PHF14: variants seen among roughly 807,000 people sequenced by gnomAD.
PHF14 encodes PHD finger protein 14.
Under a neutral mutation model 117.9 loss-of-function variants are expected in PHF14, and 55 were observed. The ratio of observed to expected loss-of-function variants is 0.47; its 90% CI spans 0.38 to 0.58. The LOEUF is 0.58. Among genes scored for constraint, PHF14 ranks in the 20% least tolerant of loss-of-function variants. PHF14 has a pLI of 0.00. For synonymous variants in PHF14, 409 were observed against 368.6 expected, an observed-to-expected ratio of 1.11 and a Z score of -1.26; for missense variants, 978 against 1,122.2, an observed-to-expected ratio of 0.87 and a Z score of 1.84.
intron 3 of PHF14, among the ~76,000 whole-genome samples, chr7:10,984,659 C>T (rs963831066): frequency 3.3e-5 from 5 of 152,044 alleles, no homozygotes; most frequent in East Asian, 1.9e-4. Flanking sequence ...GAGGCAGTGT[C>T]GATTAGATTT....
chr7:11,025,037 A>G (rs951530970), intron 6 of PHF14, among the ~76,000 whole-genome samples: 1 of 152,214 alleles, frequency 6.6e-6, no homozygotes, highest in African/African-American at 2.4e-5. Context: ...GGAGGTCAAA[A>G]TATCCATATT....
At chr7:11,012,940 A>G (rs1783402929) in intron 4 of PHF14, among the ~76,000 whole-genome samples, 1 of 152,192 alleles carries the variant, frequency 6.6e-6, no homozygotes, top group African/African-American at 2.4e-5. Flanking sequence ...CTATAGCTTT[A>G]GGTGCATAAC....
At chr7:11,105,301 G>A in intron 16 of PHF14, 1 of 944,808 alleles carries the variant, frequency 1.1e-6, no homozygotes, top group Non-Finnish European at 1.3e-6. Context: ...GTTAAAAATA[G>A]ACTGCTGACC....
chr7:11,073,255 C>A (rs1432093581), intron 16 of PHF14, among the ~76,000 whole-genome samples: 1 of 152,098 alleles, frequency 6.6e-6, no homozygotes, highest in Non-Finnish European at 1.5e-5. Flanking sequence ...CCTGTAAAAT[C>A]AAAAACAAGT....
chr7:10,991,626 TA>T (rs888673368), intron 4 of PHF14, among the ~76,000 whole-genome samples: 20 of 150,550 alleles, frequency 1.3e-4, no homozygotes, highest in African/African-American at 4.4e-4. Context: ...TCATCTTAAT[TA>T]AAAAAAAAAT....
intron 5 of PHF14, among the ~76,000 whole-genome samples, chr7:11,021,724 A>G (rs1430241779): frequency 1.3e-5 from 2 of 152,254 alleles, no homozygotes; most frequent in East Asian, 3.9e-4. Flanking sequence ...ACTCCATAGG[A>G]TGTATTTGGG....
intron 4 of PHF14, among the ~76,000 whole-genome samples, chr7:11,007,969 C>G (rs1783186084): frequency 6.6e-6 from 1 of 152,144 alleles, no homozygotes; most frequent in South Asian, 2.1e-4. Flanking sequence ...TGCAGTGTGT[C>G]ACTTAGTATA....
intron 16 of PHF14, among the ~76,000 whole-genome samples, chr7:11,099,468 A>G (rs1475625411): frequency 6.6e-6 from 1 of 152,122 alleles, no homozygotes; most frequent in East Asian, 1.9e-4. Context: ...TGGGGTACAC[A>G]ATTTTAGAGT....
intron 17 of PHF14, among the ~76,000 whole-genome samples, chr7:11,165,876 T>C (rs1395967554): frequency 6.6e-6 from 1 of 152,216 alleles, no homozygotes; most frequent in Admixed American, 6.5e-5. Context: ...GTGTGTTTAC[T>C]TAATTTCTCT....
At chr7:11,131,591 CA>C (rs1788091140) in intron 17 of PHF14, among the ~76,000 whole-genome samples, 1 of 151,746 alleles carries the variant, frequency 6.6e-6, no homozygotes. Flanking sequence ...CTCCAATTTG[CA>C]AAATATTATC....
At chr7:11,154,020 T>C (rs1788775300) in intron 17 of PHF14, among the ~76,000 whole-genome samples, 1 of 152,040 alleles carries the variant, frequency 6.6e-6, no homozygotes, top group South Asian at 2.1e-4. Flanking sequence ...TAGGCTTCCA[T>C]ACATGTCTTA....
rs374339821 is a variant in PHF14, at chr7:10,982,565, GGAA to G, written c.316_318del (p.Glu106del). ...AACAATTAATTAAAATGGAAAAGAA[GGAA>G]GAAGAAGAAAATGGAGAAAGACCTA... On this transcript the variant is annotated inframe_deletion, in exon 3 of 18. Coordinates refer to ENST00000634607, the MANE Select transcript of PHF14 (RefSeq NM_001007157.2). The G allele has an allele frequency of 3.8e-4, 570 of 1,507,818 alleles. 2 individuals carry two copies. The African/African-American group carries it at 7.4e-3, about 20-fold the overall frequency. The allele number at this position is 1,507,818 out of a possible 1,614,324, so 93.4% of individuals were successfully genotyped here.
chr7:11,036,386 T>A, intron 8 of PHF14, 32 bp from the exon 9 acceptor site: 1 of 1,506,200 alleles, frequency 6.6e-7, no homozygotes, highest in Non-Finnish European at 9.0e-7. Context: ...CATTTTATTA[T>A]CTTTTAAAAT....
intron 4 of PHF14, among the ~76,000 whole-genome samples, chr7:11,005,800 T>C (rs1199685200): frequency 6.9e-6 from 1 of 145,322 alleles, no homozygotes; most frequent in East Asian, 2.0e-4. Context: ...TTTTTTTTTT[T>C]TTTTTTTTTT....
At chr7:11,092,461 A>G (rs1786675494) in intron 16 of PHF14, among the ~76,000 whole-genome samples, 1 of 152,218 alleles carries the variant, frequency 6.6e-6, no homozygotes, top group South Asian at 2.1e-4. Context: ...GTCCTAAGAT[A>G]GTGGTTCTCA....
intron 4 of PHF14, among the ~76,000 whole-genome samples, chr7:10,994,669 G>A (rs763273635): frequency 9.6e-4 from 146 of 152,194 alleles, no homozygotes; most frequent in Non-Finnish European, 1.5e-3. Flanking sequence ...GGATCCTCGC[G>A]GTGAGTGTTA....
At chr7:11,035,900 C>T (rs1015058007) in intron 8 of PHF14, 114 bp downstream of exon 8, 9 of 769,190 alleles carry the variant, frequency 1.2e-5, no homozygotes, top group Non-Finnish European at 1.9e-5. Context: ...TGGTTAGTTA[C>T]CTAGGAAATG....
intron 16 of PHF14, chr7:11,107,057 C>G (rs556759584): frequency 1.0e-6 from 1 of 983,234 alleles, no homozygotes; most frequent in Non-Finnish European, 1.2e-6. Flanking sequence ...ATAGGAGGTG[C>G]ACTTAATTGT....
intron 11 of PHF14, among the ~76,000 whole-genome samples, chr7:11,039,645 T>C (rs1008048867): frequency 6.6e-6 from 1 of 152,214 alleles, no homozygotes; most frequent in Non-Finnish European, 1.5e-5. Flanking sequence ...TATACTTGTT[T>C]TAGAGGTTTA....
Sources: gnomAD v4.1 joint callset for allele counts (sites outside exome capture counted in the v4.1 genomes callset) on GRCh38, gnomAD v4.1.1 for gene constraint, MANE v1.5 for transcripts, NCBI Gene and HGNC (gene_info 2026-07-23, HGNC 2026-07-21) for gene names.